The following PTPN6 variants were observed in gnomAD, a reference collection of about 807,000 sequenced individuals.
The protein encoded by PTPN6 is protein tyrosine phosphatase non-receptor type 6, also known as tyrosine-protein phosphatase non-receptor type 6.
A neutral mutation model predicts 81.5 loss-of-function variants in PTPN6; 18 were observed. The ratio of observed to expected loss-of-function variants is 0.22; its 90% CI spans 0.15 to 0.33. PTPN6 has a LOEUF of 0.33. Among genes scored for constraint, PTPN6 ranks in the 10% least tolerant of loss-of-function variants. The pLI is 1.00. For synonymous variants in PTPN6, 301 were observed against 310.9 expected (o/e 0.97, Z 0.33); for missense variants, 500 against 794.2 (o/e 0.63, Z 4.45).
Position 6,951,841 on chromosome 12 carries a change from C to T in PTPN6, c.131+110C>T, listed in dbSNP as rs782042338. The T allele has an allele frequency of 1.1e-5, 17 of 1,581,620 alleles. No individual in the cohort carries two copies. The highest frequency in any genetic ancestry group is 1.5e-5 in the Non-Finnish European group (17 of 1,161,884). On this transcript the variant is annotated intron_variant, in intron 2 of 15. Transcript: ENST00000318974. The surrounding 1 kb of genome is among the most constrained non-coding windows in gnomAD (Gnocchi z 7.2). ...TGGCAGTGCTGACTCCCCGTCTGTT[C>T]CCTTGCCCCCAACCCCCACACTCCC... is the stretch of plus-strand genomic sequence containing the variant.
chr12:6,951,289 C>G, upstream of PTPN6: 1 of 1,469,140 alleles, frequency 6.8e-7, no homozygotes, highest in Non-Finnish European at 9.0e-7. The surrounding 1 kb of genome is among the most constrained non-coding windows in gnomAD (Gnocchi z 7.2). Flanking sequence ...ACGAGAAGTA[C>G]AAGTGAGTTC....
In PTPN6 at chr12:6,956,613, C is replaced by G; in HGVS notation, c.1074+45C>G. The stretch of plus-strand genomic sequence containing the variant: ...CCGCATCCGCCCCCGTGCTTGTGGT[C>G]ATGCCATTAAGTCGAAGAGCAGTCA... On this transcript the variant is annotated intron_variant, in intron 9 of 15. Coordinates refer to ENST00000318974, the MANE Select transcript of PTPN6 (RefSeq NM_002831.6). This position sits in a 1 kb window ranked among gnomAD's most constrained non-coding sequence, Gnocchi z 4.1. 1 of 1,611,112 alleles carries G rather than the reference C, an allele frequency of 6.2e-7. No individual in the cohort carries two copies. Among genetic ancestry groups the G allele is most frequent in the Non-Finnish European group, 8.5e-7 (1 of 1,179,224 alleles).
rs782363898 is a variant in PTPN6 at position 6,951,500 on chromosome 12, G to A, written c.-13G>A. 1.7e-5 allele frequency: 27 copies of A among 1,613,732 alleles called. No homozygotes were observed. In the East Asian group the frequency reaches 1.8e-4, roughly 11 times the overall value. On this transcript the variant is annotated 5_prime_UTR_variant, in exon 1 of 16. Coordinates refer to ENST00000318974, the MANE Select transcript of PTPN6 (RefSeq NM_002831.6). The surrounding 1 kb of genome is among the most constrained non-coding windows in gnomAD (Gnocchi z 7.2). ...CATTCCCTGCGCCCCCTTCCTCTCC[G>A]GAAGCCCCCAGGATGGTGAGGTAAG...
intron 11 of PTPN6, among the ~76,000 whole-genome samples, chr12:6,958,978 A>G (rs1555149248): frequency 6.6e-6 from 1 of 152,194 alleles, no homozygotes; most frequent in African/African-American, 2.4e-5. Flanking sequence ...CATCAGGCAG[A>G]GAATAGGGGA....
Position 6,954,086 on chromosome 12 carries a change from G to A in PTPN6, c.327-719G>A, listed in dbSNP as rs1052761762. Among the ~76,000 whole-genome samples the A allele has an allele frequency of 2.0e-5, 3 of 152,182 alleles. No homozygotes were observed. The highest frequency in any genetic ancestry group is 4.4e-5 in the Non-Finnish European group (3 of 68,028). On this transcript the variant is annotated intron_variant, in intron 3 of 15. Coordinates refer to ENST00000318974, the MANE Select transcript of PTPN6 (RefSeq NM_002831.6). This position sits in a 1 kb window ranked among gnomAD's most constrained non-coding sequence, Gnocchi z 5.4. ...TGCTTCGGGGAAAGGGCTTAGTTCT[G>A]CTTTCTGCCCTGACAGCCCCTTCAA...
chr12:6,959,809 C>G lies in PTPN6; in HGVS notation c.1362-118C>G. ...CCCGGTGACCCTGGGCACATTCCCT[C>G]CCATCACTGGAGGCTCAGGCTGCTC... On this transcript the variant is annotated intron_variant, in intron 11 of 15. Coordinates refer to ENST00000318974, the MANE Select transcript of PTPN6 (RefSeq NM_002831.6). This position sits in a 1 kb window ranked among gnomAD's most constrained non-coding sequence, Gnocchi z 6.6. The G allele has an allele frequency of 2.8e-6, 3 of 1,085,356 alleles. No individual in the cohort carries two copies. The highest frequency in any genetic ancestry group is 4.2e-6 in the Non-Finnish European group (3 of 712,630). The allele number at this position is 1,085,356 out of a possible 1,614,324, so 67.2% of individuals were successfully genotyped here. A position where few individuals can be genotyped will look rare whatever the true frequency, so the allele number is the denominator to read the frequency against.
upstream of PTPN6, among the ~76,000 whole-genome samples, chr12:6,949,761 G>C (rs762858889): frequency 6.6e-6 from 1 of 151,480 alleles, no homozygotes; most frequent in African/African-American, 2.4e-5. Flanking sequence ...CCTTGTTTGC[G>C]CTTCCAGACT....
rs782771079 is a variant in PTPN6, at chr12:6,951,815, G to C, written c.131+84G>C. On this transcript the variant is annotated intron_variant, in intron 2 of 15. Transcript: ENST00000318974. The surrounding 1 kb of genome is among the most constrained non-coding windows in gnomAD (Gnocchi z 7.2). ...CTGAACCACTCATTCCTGGTTCCCCGTGGCAGTGCTGACTCCCCGTCTGTT... is the reference window on the plus strand; with the variant it reads ...CTGAACCACTCATTCCTGGTTCCCCCTGGCAGTGCTGACTCCCCGTCTGTT... 175 of 1,598,354 alleles carry C rather than the reference G, an allele frequency of 1.1e-4. No individual in the cohort carries two copies. In the East Asian group the frequency reaches 3.8e-3, roughly 35 times the overall value.
upstream of PTPN6, among the ~76,000 whole-genome samples, chr12:6,950,879 T>C (rs1047177580): frequency 6.6e-6 from 1 of 152,150 alleles, no homozygotes; most frequent in Non-Finnish European, 1.5e-5. Context: ...GTTCCTTGTC[T>C]GTAAAATGAT....
Position 6,959,072 on chromosome 12 carries a change from C to G in PTPN6, c.1362-855C>G, listed in dbSNP as rs781992311. Among the ~76,000 whole-genome samples the G allele has an allele frequency of 2.6e-5, 4 of 152,234 alleles. No homozygotes were observed. The highest frequency in any genetic ancestry group is 5.9e-5 in the Non-Finnish European group (4 of 68,040). ...ACGGCCTCTGGCTTCCTCCTCTTCC[C>G]CCAGCAGCTGTTTGTCCTGGGACAG... On this transcript the variant is annotated intron_variant, in intron 11 of 15. Transcript: ENST00000318974. This position sits in a 1 kb window ranked among gnomAD's most constrained non-coding sequence, Gnocchi z 6.6.
Position 6,959,168 on chromosome 12 carries a change from C to T in PTPN6, c.1362-759C>T, listed in dbSNP as rs1243018921. On this transcript the variant is annotated intron_variant, in intron 11 of 15. Coordinates refer to ENST00000318974, the MANE Select transcript of PTPN6 (RefSeq NM_002831.6). The surrounding 1 kb of genome is among the most constrained non-coding windows in gnomAD (Gnocchi z 6.6). ...GACGCGGCTCTGTCCTGTGCTCTCT[C>T]AGGGACAGGCCCATCCCCGAGAGCT... Among the ~76,000 whole-genome samples, 3 of 152,204 alleles carry T rather than the reference C, an allele frequency of 2.0e-5. No homozygotes were observed. The highest frequency in any genetic ancestry group is 7.2e-5 in the African/African-American group (3 of 41,448).
chr12:6,960,273 G>A lies in PTPN6; in HGVS notation c.1581+34G>A, dbSNP rs782231175. 2 of 1,577,000 alleles carry A rather than the reference G, an allele frequency of 1.3e-6. No homozygotes were observed. ...AGAGCAGGGCCTGGGGGGGGGGGGGGCTGCAGTGCAGGATGGGTGCCACCT... is the reference window on the plus strand; with the variant it reads ...AGAGCAGGGCCTGGGGGGGGGGGGGACTGCAGTGCAGGATGGGTGCCACCT... On this transcript the variant is annotated intron_variant, in intron 13 of 15. Transcript: ENST00000318974. The surrounding 1 kb of genome is among the most constrained non-coding windows in gnomAD (Gnocchi z 6.1).
chr12:6,951,336 C>G (rs1945919716), upstream of PTPN6: 3 of 1,518,254 alleles, frequency 2.0e-6, no homozygotes, highest in Admixed American at 6.2e-5. The surrounding 1 kb of genome is among the most constrained non-coding windows in gnomAD (Gnocchi z 7.2). Flanking sequence ...CTGTCCCCGC[C>G]CTGCCGGCTG....
intron 3 of PTPN6, among the ~76,000 whole-genome samples, chr12:6,953,921 C>A (rs1303386169): frequency 1.3e-5 from 2 of 152,144 alleles, no homozygotes; most frequent in African/African-American, 4.8e-5. Flanking sequence ...TGCCCGCCCT[C>A]CCCTCGTCCC....
At chr12:6,950,936 C>A (rs1945912155), upstream of PTPN6, among the ~76,000 whole-genome samples, 1 of 152,164 alleles carries the variant, frequency 6.6e-6, no homozygotes, top group African/African-American at 2.4e-5. Flanking sequence ...ACCAATCAGA[C>A]AAGGCATGTG....
Position 6,955,944 on chromosome 12 carries a change from GC to G in PTPN6, c.844+193del, listed in dbSNP as rs1395156011. ...CCTCCCCACCACCAGCAGGCAGGTT[GC>G]CCCCTGCTCCCAACCTCCTTGTGAA... On this transcript the variant is annotated intron_variant, in intron 7 of 15. Coordinates refer to ENST00000318974, the MANE Select transcript of PTPN6 (RefSeq NM_002831.6). This position sits in a 1 kb window ranked among gnomAD's most constrained non-coding sequence, Gnocchi z 7.2. Among the ~76,000 whole-genome samples the G allele has an allele frequency of 6.6e-6, 1 of 151,038 alleles. No homozygotes were observed. Among genetic ancestry groups the G allele is most frequent in the African/African-American group, 2.4e-5 (1 of 40,938 alleles).
Position 6,959,872 on chromosome 12 carries a change from C to A in PTPN6, c.1362-55C>A. 2 of 1,590,196 alleles carry A rather than the reference C, an allele frequency of 1.3e-6. No individual in the cohort carries two copies. The highest frequency in any genetic ancestry group is 8.6e-7 in the Non-Finnish European group (1 of 1,161,950). ...GGGCTGGAGCTGAGCGCTGGGTACCCCCCTTCCCGGGGAGGGCTTGACTGG... is the reference window on the plus strand; with the variant it reads ...GGGCTGGAGCTGAGCGCTGGGTACCACCCTTCCCGGGGAGGGCTTGACTGG... On this transcript the variant is annotated intron_variant, in intron 11 of 15. Transcript: ENST00000318974. This position sits in a 1 kb window ranked among gnomAD's most constrained non-coding sequence, Gnocchi z 6.6.
At chr12:6,947,007 C>T (rs1274556816), upstream of PTPN6, among the ~76,000 whole-genome samples, 3 of 152,208 alleles carry the variant, frequency 2.0e-5, no homozygotes, top group Non-Finnish European at 4.4e-5. Context: ...CTCTGGGCTC[C>T]TGCTTCTGCC....
Position 6,960,069 on chromosome 12 carries a change from T to G in PTPN6, c.1430-19T>G, listed in dbSNP as rs782410996. ...GTCCGCCTATGCCTGGACCTGAGGTTTGACTGCCCCCCACCCAGGCCTGGA... is the reference window on the plus strand; with the variant it reads ...GTCCGCCTATGCCTGGACCTGAGGTGTGACTGCCCCCCACCCAGGCCTGGA... On this transcript the variant is annotated intron_variant, in intron 12 of 15. Coordinates refer to ENST00000318974, the MANE Select transcript of PTPN6 (RefSeq NM_002831.6). The surrounding 1 kb of genome is among the most constrained non-coding windows in gnomAD (Gnocchi z 6.1). 2 of 1,613,278 alleles carry G rather than the reference T, an allele frequency of 1.2e-6. No individual in the cohort carries two copies. The highest frequency in any genetic ancestry group is 2.7e-5 in the African/African-American group (2 of 74,896).
Sources: allele counts gnomAD v4.1 joint callset (sites outside exome capture counted in the v4.1 genomes callset), GRCh38; gene constraint gnomAD v4.1.1; non-coding constraint Gnocchi (gnomAD v3.1); transcripts MANE v1.5; gene names NCBI Gene and HGNC (gene_info 2026-07-23, HGNC 2026-07-21).